Variants in PLCH2 observed in about 807,000 individuals in gnomAD.
PLCH2 encodes the protein 1-phosphatidylinositol 4,5-bisphosphate phosphodiesterase eta-2.
Under a neutral mutation model 134.7 loss-of-function variants are expected in PLCH2, and 98 were observed. That is an observed-to-expected ratio of 0.73 (90% CI 0.62 to 0.86). The LOEUF (loss-of-function observed/expected upper bound fraction) is 0.86, where lower values mean the gene tolerates loss of function less well. Among genes scored for constraint, PLCH2 ranks in the 40% least tolerant of loss-of-function variants. PLCH2 has a pLI of 0.00. For synonymous variants in PLCH2, 974 were observed against 827.5 expected (o/e 1.18, Z -3.04); for missense variants, 1,994 against 1,986.6 (o/e 1.00, Z -0.07).
chr1:2,473,422 G>T (rs574428669), upstream of PLCH2, among the ~76,000 whole-genome samples: 1 of 152,348 alleles, frequency 6.6e-6, no homozygotes, highest in African/African-American at 2.4e-5. Context: ...CCCAACTGGG[G>T]TGCAGCCCCG....
At chr1:2,479,498 C>T (rs565143226) in intron 2 of PLCH2, 48 of 491,826 alleles carry the variant, frequency 9.8e-5, no homozygotes, top group South Asian at 9.6e-4. Context: ...CTCGTGGGGG[C>T]GTGTCTTTTC....
At chr1:2,497,766 G>T in intron 16 of PLCH2, 157 bp downstream of exon 16, 4 of 529,036 alleles carry the variant, frequency 7.6e-6, no homozygotes, top group Non-Finnish European at 1.4e-5. Context: ...AAGCTCCCAG[G>T]ATGCTGGGGA....
intron 2 of PLCH2, among the ~76,000 whole-genome samples, chr1:2,432,151 C>T (rs1639100027): frequency 6.6e-6 from 1 of 152,238 alleles, no homozygotes; most frequent in South Asian, 2.1e-4. Context: ...GAGGCCAGGC[C>T]CCACTCTGCA....
At chr1:2,485,920 C>T (rs576283854) in intron 5 of PLCH2, among the ~76,000 whole-genome samples, 7 of 152,154 alleles carry the variant, frequency 4.6e-5, no homozygotes, top group South Asian at 2.1e-4. Context: ...CCCACCTGGC[C>T]GGGGCAGCTT....
chr1:2,502,790 A>T (rs931785419), intron 21 of PLCH2: 4 of 716,604 alleles, frequency 5.6e-6, no homozygotes, highest in Non-Finnish European at 1.0e-5. Context: ...CATCCCCGAA[A>T]GGTCCCCCCG....
At position 2,444,357 on chromosome 1, in the gene PLCH2, G is replaced by T. The variant is rs372035316; in HGVS notation, c.115+13728G>T. ...AGGGCACCCTGTGTGGGTCCGGGAG[G>T]TGCTGCGTGGACTTGCCGCATGGCA... is the stretch of plus-strand genomic sequence containing the variant. On this transcript the variant is annotated intron_variant, in intron 2 of 3. Transcript: ENST00000609981. This position sits in a 1 kb window ranked among gnomAD's most constrained non-coding sequence, Gnocchi z 4.6. Among the ~76,000 whole-genome samples the T allele has an allele frequency of 2.0e-5, 3 of 152,356 alleles. No individual in the cohort carries two copies. Among genetic ancestry groups the T allele is most frequent in the East Asian group, 3.9e-4 (2 of 5,176 alleles).
At position 2,505,375 on chromosome 1, in the gene PLCH2, A is replaced by T; in HGVS notation, c.*162A>T. The T allele has an allele frequency of 1.6e-6, 1 of 611,140 alleles. No individual in the cohort carries two copies. Among genetic ancestry groups the T allele is most frequent in the Non-Finnish European group, 2.8e-6 (1 of 356,368 alleles). 37.9% of individuals were successfully genotyped at this position (611,140 alleles called of 1,614,324 possible). On this transcript the variant is annotated 3_prime_UTR_variant, in exon 22 of 22. Transcript: ENST00000378486. Reference sequence around the variant, plus strand: ...CCTCCTGCCCCTGCTCCCGGGGAGGAAAGGCTAAAGCTGCTGGCCCGGGGC... The same window carrying T: ...CCTCCTGCCCCTGCTCCCGGGGAGGTAAGGCTAAAGCTGCTGGCCCGGGGC...
chr1:2,440,140 C>T (rs1398923913), intron 2 of PLCH2, among the ~76,000 whole-genome samples: 9 of 152,078 alleles, frequency 5.9e-5, no homozygotes, highest in Admixed American at 1.3e-4. Context: ...CTGAGGGGTC[C>T]GATGTAGCCT....
intron 2 of PLCH2, among the ~76,000 whole-genome samples, chr1:2,456,611 G>A (rs1222256027): frequency 2.6e-5 from 4 of 152,208 alleles, no homozygotes; most frequent in Non-Finnish European, 5.9e-5. Flanking sequence ...GGGGACATGG[G>A]GGAGCTGCTG....
Position 2,476,657 on chromosome 1 carries a change from CCT to C in PLCH2, c.72_73del (p.Trp25GlyfsTer76). The C allele has an allele frequency of 6.2e-7, 1 of 1,609,742 alleles. No homozygotes were observed. Among genetic ancestry groups the C allele is most frequent in the African/African-American group, 1.3e-5 (1 of 74,998 alleles). ...CGGTGGCCTGGCTGGCGGAGGTACT[CCT>C]CTGGGTTGGAGGGAGTGTGGTGCTG... ...GTVAWLAEVL[L>X]WVGGSVVLSS... On this transcript the variant is annotated frameshift_variant, in exon 1 of 22. Coordinates refer to ENST00000378486, the MANE Select transcript of PLCH2 (RefSeq NM_014638.4). LOFTEE classifies it high-confidence loss of function.
Position 2,503,909 on chromosome 1 carries a change from C to G in PLCH2, c.2960-13C>G, listed in dbSNP as rs1329732295. The G allele has an allele frequency of 3.0e-5, 22 of 725,278 alleles. No individual in the cohort carries two copies. Among genetic ancestry groups the G allele is most frequent in the Admixed American group, 2.6e-4 (11 of 42,392 alleles). The allele number at this position is 725,278 out of a possible 1,614,324, so 44.9% of individuals were successfully genotyped here. ...TCCCTCTGGCTCTCTCTCACTCCCCCACCTCCCCACAGACACCCGCCCCCT... is the reference window on the plus strand; with the variant it reads ...TCCCTCTGGCTCTCTCTCACTCCCCGACCTCCCCACAGACACCCGCCCCCT... On this transcript the variant is annotated splice_polypyrimidine_tract_variant and intron_variant, in intron 21 of 21. Transcript: ENST00000378486.
chr1:2,423,887 G>A (rs1638643584), upstream of PLCH2, among the ~76,000 whole-genome samples: 2 of 152,052 alleles, frequency 1.3e-5, no homozygotes, highest in South Asian at 2.1e-4. Flanking sequence ...CCACCTCGTC[G>A]TGACGCTGCC....
At chr1:2,491,637 C>T (rs749266227) in intron 11 of PLCH2, among the ~76,000 whole-genome samples, 3 of 152,254 alleles carry the variant, frequency 2.0e-5, no homozygotes, top group Non-Finnish European at 4.4e-5. Flanking sequence ...GAAGTTTCCA[C>T]ATGGAGCGAA....
At chr1:2,424,121 AGTGAT>A (rs1345956992), upstream of PLCH2, among the ~76,000 whole-genome samples, 1 of 152,220 alleles carries the variant, frequency 6.6e-6, no homozygotes, top group Non-Finnish European at 1.5e-5. Context: ...TGAGGTAGAT[AGTGAT>A]GTTATGATTT....
At chr1:2,488,073 A>G (rs1642377806) in intron 8 of PLCH2, among the ~76,000 whole-genome samples, 1 of 152,234 alleles carries the variant, frequency 6.6e-6, no homozygotes, top group Non-Finnish European at 1.5e-5. Flanking sequence ...TATTGAAGAA[A>G]ATACAGAAAT....
chr1:2,428,132 G>C (rs1294418621), intron 1 of PLCH2, among the ~76,000 whole-genome samples: 1 of 152,236 alleles, frequency 6.6e-6, no homozygotes, highest in Non-Finnish European at 1.5e-5. Flanking sequence ...GCATGGCCCG[G>C]TCCAGCCTGG....
intron 2 of PLCH2, among the ~76,000 whole-genome samples, chr1:2,438,336 C>G (rs1639531156): frequency 6.6e-6 from 1 of 152,226 alleles, no homozygotes; most frequent in Non-Finnish European, 1.5e-5. Flanking sequence ...GTCCCTGGGT[C>G]CCACCAGTCT....
intron 2 of PLCH2, chr1:2,479,206 G>C (rs1328908393): frequency 6.0e-6 from 1 of 165,350 alleles, no homozygotes; most frequent in Non-Finnish European, 1.3e-5. Flanking sequence ...ACCCAGGCAT[G>C]CCAGGCAAGG....
At chr1:2,445,398 G>T (rs1639894275) in intron 2 of PLCH2, among the ~76,000 whole-genome samples, 2 of 152,194 alleles carry the variant, frequency 1.3e-5, no homozygotes, top group Admixed American at 1.3e-4. Flanking sequence ...GCTGGAACAG[G>T]CCTGGGCAGT....
Sources: allele counts gnomAD v4.1 joint callset (sites outside exome capture counted in the v4.1 genomes callset), GRCh38; gene constraint gnomAD v4.1.1; non-coding constraint Gnocchi (gnomAD v3.1); transcripts MANE v1.5; gene names NCBI Gene and HGNC (gene_info 2026-07-23, HGNC 2026-07-21).